Variants in AGPAT4 observed in about 807,000 individuals in gnomAD.
AGPAT4 encodes the protein 1-acyl-sn-glycerol-3-phosphate acyltransferase delta.
AGPAT4 carries 15 observed loss-of-function variants against 48.0 expected under a neutral mutation model. That is an observed-to-expected ratio of 0.31 (90% CI 0.21 to 0.48). The LOEUF (loss-of-function observed/expected upper bound fraction) is 0.48. Among genes scored for constraint, AGPAT4 ranks in the 20% least tolerant of loss-of-function variants. The probability of loss-of-function intolerance (pLI) is 0.99; values close to 1 mark genes in which losing one functional copy is unlikely to be tolerated. For synonymous variants in AGPAT4, 178 were observed against 198.7 expected (o/e 0.90, Z 0.88); for missense variants, 314 against 482.5 (o/e 0.65, Z 3.27).
At chr6:161,194,934 C>T (rs1183300491) in intron 2 of AGPAT4, among the ~76,000 whole-genome samples, 1 of 152,184 alleles carries the variant, frequency 6.6e-6, no homozygotes, top group Non-Finnish European at 1.5e-5. Context: ...AACTTCCTTA[C>T]TTCTAGTTTC....
At position 161,194,542 on chromosome 6, in the gene AGPAT4, GTA is replaced by G. The variant is rs564712730; in HGVS notation, c.179-28127_179-28126del. Among the ~76,000 whole-genome samples the G allele has an allele frequency of 3.7e-3, 562 of 151,666 alleles. 3 individuals are homozygous for G. Among genetic ancestry groups the G allele is most frequent in the African/African-American group, 0.013 (531 of 41,302 alleles). On this transcript the variant is annotated intron_variant, in intron 2 of 8. Coordinates refer to ENST00000320285, the MANE Select transcript of AGPAT4 (RefSeq NM_020133.3). Reference sequence around the variant, plus strand: ...TGTGTGTGTCTGTGTGTCTATGTGTGTATGTGTATGTGTGCATGTGTGTATGT... The same window carrying G: ...TGTGTGTGTCTGTGTGTCTATGTGTGTGTGTATGTGTGCATGTGTGTATGT...
chr6:161,211,496 G>GA (rs1407118181), intron 2 of AGPAT4, among the ~76,000 whole-genome samples: 1 of 151,962 alleles, frequency 6.6e-6, no homozygotes, highest in East Asian at 1.9e-4. Flanking sequence ...TTTCATATGA[G>GA]AAAAAAATCT....
intron 2 of AGPAT4, among the ~76,000 whole-genome samples, chr6:161,181,986 T>C (rs938657220): frequency 2.0e-5 from 3 of 152,110 alleles, no homozygotes; most frequent in African/African-American, 4.8e-5. Context: ...TAAAGCATCA[T>C]GGGAGATGAT....
chr6:161,178,811 G>A lies in AGPAT4; in HGVS notation c.179-12394C>T, dbSNP rs1025995172. Among the ~76,000 whole-genome samples the A allele has an allele frequency of 9.8e-5, 15 of 152,348 alleles. No homozygotes were observed. Among genetic ancestry groups the A allele is most frequent in the African/African-American group, 3.1e-4 (13 of 41,584 alleles). ...AAATTTCAGTTTGCCCAATTTTGCA[G>A]ATGTTGTTTTGACTGTGCTGCTCTC... On this transcript the variant is annotated intron_variant, in intron 2 of 8. Transcript: ENST00000320285. This position sits in a 1 kb window ranked among gnomAD's most constrained non-coding sequence, Gnocchi z 5.1.
rs1399120263 is a variant in AGPAT4 at position 161,133,907 on chromosome 6, A to AAAAT, written c.*2629_*2632dup. On this transcript the variant is annotated 3_prime_UTR_variant, in exon 9 of 9. Transcript: ENST00000320285. The stretch of plus-strand genomic sequence containing the variant: ...CTCCGTGGGTTTTCAACTCGTAGAA[A>AAAAT]AAATAACCCTGGGAACCAAAGCAGT... The AAAAT allele has an allele frequency of 6.6e-6, 1 of 152,222 alleles. No homozygotes were observed. The highest frequency in any genetic ancestry group is 1.5e-5 in the Non-Finnish European group (1 of 68,064). 9.4% of individuals were successfully genotyped at this position (152,222 alleles called of 1,614,324 possible).
chr6:161,166,387 CCCGACCA>C lies in AGPAT4; in HGVS notation c.202_208del (p.Trp68AlafsTer46). 7 of 1,611,686 alleles carry C rather than the reference CCCGACCA, an allele frequency of 4.3e-6. No homozygotes were observed. The highest frequency in any genetic ancestry group is 5.1e-6 in the Non-Finnish European group (6 of 1,178,730). On this transcript the variant is annotated frameshift_variant, in exon 3 of 9. Transcript: ENST00000320285. LOFTEE classifies it high-confidence loss of function. This position sits in a 1 kb window ranked among gnomAD's most constrained non-coding sequence, Gnocchi z 6.7. Reference sequence around the variant, plus strand: ...GTCCGTGAAGATGGTGCATTCCGTGCCCGACCACCACTCCAGCAGCATCACCAGCTCT... The same window carrying C: ...GTCCGTGAAGATGGTGCATTCCGTGCCCACTCCAGCAGCATCACCAGCTCT...
At position 161,270,726 on chromosome 6, in the gene AGPAT4, G is replaced by A. The variant is rs1298219109; in HGVS notation, c.-90+3212C>T. 6.6e-6 allele frequency among the ~76,000 whole-genome samples: 1 copy of A among 152,094 alleles called. No individual in the cohort carries two copies. Among genetic ancestry groups the A allele is most frequent in the Admixed American group, 6.5e-5 (1 of 15,274 alleles). On this transcript the variant is annotated intron_variant, in intron 1 of 8. Transcript: ENST00000320285. This position sits in a 1 kb window ranked among gnomAD's most constrained non-coding sequence, Gnocchi z 5.3. ...GAATCCAGGAGGGGGAGGTTGTGGTGAGCCGAGATCACGCCATTGCACTCC... is the reference window on the plus strand; with the variant it reads ...GAATCCAGGAGGGGGAGGTTGTGGTAAGCCGAGATCACGCCATTGCACTCC...
chr6:161,237,108 T>C (rs1278340913), intron 1 of AGPAT4, among the ~76,000 whole-genome samples: 1 of 152,184 alleles, frequency 6.6e-6, no homozygotes, highest in Non-Finnish European at 1.5e-5. Flanking sequence ...ATCTGACCCA[T>C]GAGCTCAATA....
Position 161,219,191 on chromosome 6 carries a change from T to C in AGPAT4, c.178+12845A>G, listed in dbSNP as rs1486544863. ...TGTGCTATATAAATTCTATCTCCAG[T>C]ATGGTGAAACCAAAACCCATAGCTA... On this transcript the variant is annotated intron_variant, in intron 2 of 8. Coordinates refer to ENST00000320285, the MANE Select transcript of AGPAT4 (RefSeq NM_020133.3). This position sits in a 1 kb window ranked among gnomAD's most constrained non-coding sequence, Gnocchi z 4.9. 6.6e-6 allele frequency among the ~76,000 whole-genome samples: 1 copy of C among 152,126 alleles called. No individual in the cohort carries two copies. Among genetic ancestry groups the C allele is most frequent in the Non-Finnish European group, 1.5e-5 (1 of 68,024 alleles).
rs920022877 is a variant in AGPAT4 at position 161,189,412 on chromosome 6, G to A, written c.179-22995C>T. ...GCAGGGAAGAGGAGGAAGGCATTGA[G>A]GAATCGGGGTGAAGAGAGAACCCAC... On this transcript the variant is annotated intron_variant, in intron 2 of 8. Transcript: ENST00000320285. The surrounding 1 kb of genome is among the most constrained non-coding windows in gnomAD (Gnocchi z 5.3). Among the ~76,000 whole-genome samples, 3 of 152,198 alleles carry A rather than the reference G, an allele frequency of 2.0e-5. No individual in the cohort carries two copies. Among genetic ancestry groups the A allele is most frequent in the Non-Finnish European group, 2.9e-5 (2 of 68,042 alleles).
chr6:161,194,764 C>T (rs1562333081), intron 2 of AGPAT4, among the ~76,000 whole-genome samples: 2 of 152,072 alleles, frequency 1.3e-5, no homozygotes, highest in African/African-American at 2.4e-5. Context: ...CATGTGTCCT[C>T]GACAAGGCTG....
rs546981644 is a variant in AGPAT4, at chr6:161,167,008, G to T, written c.179-591C>A. 3.3e-4 allele frequency among the ~76,000 whole-genome samples: 50 copies of T among 152,252 alleles called. 3 individuals carry two copies. In the South Asian group the frequency reaches 0.01, roughly 31 times the overall value. The stretch of plus-strand genomic sequence containing the variant: ...TTGTAGGGGCTTGTGAAAAGAAAAA[G>T]ATTCTTTCTTCAGGCAATCATGACC... On this transcript the variant is annotated intron_variant, in intron 2 of 8. Transcript: ENST00000320285.
At chr6:161,210,178 T>G (rs552238911) in intron 2 of AGPAT4, among the ~76,000 whole-genome samples, 89 of 152,314 alleles carry the variant, frequency 5.8e-4, no homozygotes, top group African/African-American at 2.1e-3. Context: ...CTGGTCTCCT[T>G]ATACAATCCT....
At position 161,220,124 on chromosome 6, in the gene AGPAT4, T is replaced by C. The variant is rs1781795220; in HGVS notation, c.178+11912A>G. 1.3e-5 allele frequency among the ~76,000 whole-genome samples: 2 copies of C among 152,222 alleles called. No individual in the cohort carries two copies. Among genetic ancestry groups the C allele is most frequent in the African/African-American group, 2.4e-5 (1 of 41,460 alleles). On this transcript the variant is annotated intron_variant, in intron 2 of 8. Coordinates refer to ENST00000320285, the MANE Select transcript of AGPAT4 (RefSeq NM_020133.3). This position sits in a 1 kb window ranked among gnomAD's most constrained non-coding sequence, Gnocchi z 6.0. ...AATCAGCTTCATGAGACTGATTCATTTGGATATTTAATGTGCTTCCAATCA... is the reference window on the plus strand; with the variant it reads ...AATCAGCTTCATGAGACTGATTCATCTGGATATTTAATGTGCTTCCAATCA...
chr6:161,205,436 A>G (rs554837683), intron 2 of AGPAT4, among the ~76,000 whole-genome samples: 60 of 152,234 alleles, frequency 3.9e-4, no homozygotes, highest in Middle Eastern at 3.4e-3. Context: ...ATCAAGAATG[A>G]CCAAGAGGGA....
rs1779354203 is a variant in AGPAT4, at chr6:161,144,503, G to C, written c.843+2021C>G. ...TAACAAGAAGGAGATGTGCCTCTCAGCTTGGTTTACACGATGACCACACTC... is the reference window on the plus strand; with the variant it reads ...TAACAAGAAGGAGATGTGCCTCTCACCTTGGTTTACACGATGACCACACTC... On this transcript the variant is annotated intron_variant, in intron 7 of 8. Transcript: ENST00000320285. This position sits in a 1 kb window ranked among gnomAD's most constrained non-coding sequence, Gnocchi z 6.6. Among the ~76,000 whole-genome samples, 3 of 152,262 alleles carry C rather than the reference G, an allele frequency of 2.0e-5. No homozygotes were observed. The South Asian group carries it at 6.2e-4, about 32-fold the overall frequency.
chr6:161,217,803 GCCAC>G lies in AGPAT4; in HGVS notation c.178+14229_178+14232del, dbSNP rs1781689992. ...TCCTCCCCTGACCCCGCCTGCCCAG[GCCAC>G]TGCCCTGGGACAGGACTCACAGGCA... is the stretch of plus-strand genomic sequence containing the variant. On this transcript the variant is annotated intron_variant, in intron 2 of 8. Transcript: ENST00000320285. This position sits in a 1 kb window ranked among gnomAD's most constrained non-coding sequence, Gnocchi z 4.9. Among the ~76,000 whole-genome samples, 8 of 152,300 alleles carry G rather than the reference GCCAC, an allele frequency of 5.3e-5. No homozygotes were observed. The South Asian group carries it at 1.7e-3, about 32-fold the overall frequency.
In AGPAT4 at chr6:161,206,119, A is replaced by G. The variant is rs906204608; in HGVS notation, c.178+25917T>C. Among the ~76,000 whole-genome samples the G allele has an allele frequency of 4.6e-5, 7 of 152,172 alleles. No homozygotes were observed. Among genetic ancestry groups the G allele is most frequent in the African/African-American group, 1.7e-4 (7 of 41,442 alleles). ...GCCTGCTCCCTCCAGCTAAAGGATC[A>G]GGGAAGTGGCAGCCTAGCAAGACCG... On this transcript the variant is annotated intron_variant, in intron 2 of 8. Coordinates refer to ENST00000320285, the MANE Select transcript of AGPAT4 (RefSeq NM_020133.3). This position sits in a 1 kb window ranked among gnomAD's most constrained non-coding sequence, Gnocchi z 4.8.
Position 161,141,259 on chromosome 6 carries a change from G to A in AGPAT4, c.844-1639C>T, listed in dbSNP as rs562888313. ...TGGTCCGAAGCGTCACTTGTCGCGT[G>A]ACTCTGCTGTTGGACATCAGCCAAG... On this transcript the variant is annotated intron_variant, in intron 7 of 8. Transcript: ENST00000320285. This position sits in a 1 kb window ranked among gnomAD's most constrained non-coding sequence, Gnocchi z 6.7. Among the ~76,000 whole-genome samples, 105 of 152,216 alleles carry A rather than the reference G, an allele frequency of 6.9e-4. No homozygotes were observed. Among genetic ancestry groups the A allele is most frequent in the Middle Eastern group, 3.4e-3 (1 of 294 alleles).
Sources: allele counts gnomAD v4.1 joint callset (sites outside exome capture counted in the v4.1 genomes callset), GRCh38; gene constraint gnomAD v4.1.1; non-coding constraint Gnocchi (gnomAD v3.1); transcripts MANE v1.5; gene names NCBI Gene and HGNC (gene_info 2026-07-23, HGNC 2026-07-21).